CNTNAP2: variants seen among roughly 807,000 people sequenced by gnomAD.
CNTNAP2 encodes contactin associated protein 2, also known as contactin-associated protein-like 2.
Under a neutral mutation model 155.2 loss-of-function variants are expected in CNTNAP2, and 98 were observed. The ratio of observed to expected loss-of-function variants is 0.63; its 90% CI spans 0.54 to 0.75. CNTNAP2 has a LOEUF of 0.75. Among genes scored for constraint, CNTNAP2 ranks in the 30% least tolerant of loss-of-function variants. CNTNAP2 has a pLI of 0.00. For synonymous variants in CNTNAP2, 651 were observed against 631.2 expected (o/e 1.03, Z -0.47); for missense variants, 1,727 against 1,688.1 (o/e 1.02, Z -0.40).
At chr7:147,061,593 G>T (rs781112504) in intron 4 of CNTNAP2, among the ~76,000 whole-genome samples, 6 of 152,144 alleles carry the variant, frequency 3.9e-5, no homozygotes, top group Non-Finnish European at 8.8e-5. Context: ...TGTTCCCAGA[G>T]ACTAGTTGTG....
intron 10 of CNTNAP2, among the ~76,000 whole-genome samples, chr7:147,484,595 C>T (rs1414331536): frequency 6.6e-6 from 1 of 152,168 alleles, no homozygotes; most frequent in Non-Finnish European, 1.5e-5. Flanking sequence ...ATGTTTGTTT[C>T]AGGAGTAAAA....
chr7:148,068,343 A>T lies in CNTNAP2; in HGVS notation c.2384-49775A>T, dbSNP rs184450277. On this transcript the variant is annotated intron_variant, in intron 15 of 23. Transcript: ENST00000361727. ...GCTTCCCTGGGCACCAGGAATGCCT[A>T]CAGGGCTCTTTCTGCTGCTTCTTCT... Among the ~76,000 whole-genome samples, 366 of 152,284 alleles carry T rather than the reference A, an allele frequency of 2.4e-3. 1 individual carries two copies. The highest frequency in any genetic ancestry group is 4.7e-3 in the Non-Finnish European group (318 of 68,032).
intron 13 of CNTNAP2, among the ~76,000 whole-genome samples, chr7:147,767,190 A>C (rs149590579): frequency 6.6e-6 from 1 of 152,122 alleles, no homozygotes; most frequent in Non-Finnish European, 1.5e-5. Context: ...TGTAAAGTAC[A>C]ATATGTAAAC....
chr7:146,377,316 G>A (rs1263773694), intron 1 of CNTNAP2, among the ~76,000 whole-genome samples: 2 of 152,084 alleles, frequency 1.3e-5, no homozygotes, highest in African/African-American at 2.4e-5. Context: ...CATGCTTCTC[G>A]TTTTCTCCCA....
chr7:146,896,927 G>A (rs1386677697), intron 3 of CNTNAP2, among the ~76,000 whole-genome samples: 1 of 151,944 alleles, frequency 6.6e-6, no homozygotes, highest in Non-Finnish European at 1.5e-5. Flanking sequence ...GGGCTAAATT[G>A]CAATTAAGGA....
intron 21 of CNTNAP2, among the ~76,000 whole-genome samples, chr7:148,370,342 G>A (rs1247653787): frequency 2.0e-5 from 3 of 152,160 alleles, no homozygotes; most frequent in African/African-American, 7.2e-5. Flanking sequence ...CCGGTTCCTG[G>A]AGGCTGAGCC....
intron 1 of CNTNAP2, among the ~76,000 whole-genome samples, chr7:146,658,509 A>G (rs1483895640): frequency 6.6e-6 from 1 of 152,170 alleles, no homozygotes; most frequent in East Asian, 1.9e-4. Context: ...TTACTTCTGC[A>G]TGGACATTTT....
intron 21 of CNTNAP2, among the ~76,000 whole-genome samples, chr7:148,268,571 C>T (rs906567467): frequency 1.3e-5 from 2 of 151,954 alleles, no homozygotes; most frequent in Admixed American, 6.6e-5. Context: ...AGGAGAATGG[C>T]GTGAACCCGG....
chr7:146,556,085 C>A (rs1399960838), intron 1 of CNTNAP2, among the ~76,000 whole-genome samples: 12 of 152,146 alleles, frequency 7.9e-5, no homozygotes, highest in African/African-American at 2.9e-4. Flanking sequence ...TGGATTCCAA[C>A]AAATATTCTT....
intron 3 of CNTNAP2, 40 bp from the exon 4 acceptor site, chr7:147,043,867 G>A: frequency 6.8e-6 from 11 of 1,611,902 alleles, no homozygotes; most frequent in South Asian, 1.1e-5. Flanking sequence ...TGTTTCTAAA[G>A]TATTTTTCCC....
At position 148,306,621 on chromosome 7, in the gene CNTNAP2, T is replaced by G. The variant is rs528005519; in HGVS notation, c.3475+39495T>G. Among the ~76,000 whole-genome samples the G allele has an allele frequency of 7.9e-5, 12 of 152,322 alleles. No homozygotes were observed. The South Asian group carries it at 1.7e-3, about 21-fold the overall frequency. On this transcript the variant is annotated intron_variant, in intron 21 of 23. Transcript: ENST00000361727. ...AGAGCTCTATTTTTTGTTCTTTGAA[T>G]GTTCCTTTTTTTAAATCATCTGTTC...
intron 13 of CNTNAP2, among the ~76,000 whole-genome samples, chr7:147,764,629 A>T (rs1392706056): frequency 6.6e-6 from 1 of 152,220 alleles, no homozygotes; most frequent in African/African-American, 2.4e-5. Context: ...GTGAGTCAAT[A>T]TAATCTTGGT....
At chr7:147,752,013 T>C (rs530387334) in intron 13 of CNTNAP2, among the ~76,000 whole-genome samples, 1 of 152,306 alleles carries the variant, frequency 6.6e-6, no homozygotes, top group South Asian at 2.1e-4. Flanking sequence ...CAATATGTCA[T>C]CCACAGTTCC....
intron 11 of CNTNAP2, among the ~76,000 whole-genome samples, chr7:147,515,321 C>CTTTTTTTTTTTTTTTTT (rs763147267): frequency 1.6e-5 from 2 of 126,168 alleles, no homozygotes; most frequent in Non-Finnish European, 1.7e-5. Context: ...TCATTATATT[C>CTTTTTTTTTTTTTTTTT]TTTTTTTGTT....
At chr7:146,850,995 A>T (rs1242941312) in intron 3 of CNTNAP2, among the ~76,000 whole-genome samples, 3 of 151,758 alleles carry the variant, frequency 2.0e-5, no homozygotes, top group Non-Finnish European at 2.9e-5. Flanking sequence ...TTTTATTTTT[A>T]TTTTTTTGAA....
At chr7:147,028,633 C>A (rs561008980) in intron 3 of CNTNAP2, among the ~76,000 whole-genome samples, 1 of 152,236 alleles carries the variant, frequency 6.6e-6, no homozygotes, top group East Asian at 1.9e-4. Context: ...TGTGGCTAGA[C>A]CACACTTTAT....
chr7:148,014,951 T>A (rs1031353227), intron 15 of CNTNAP2, among the ~76,000 whole-genome samples: 1 of 152,208 alleles, frequency 6.6e-6, no homozygotes, highest in Non-Finnish European at 1.5e-5. Flanking sequence ...TTTATTTTTA[T>A]GTGAAGTTCT....
At chr7:146,282,692 A>G (rs1310921102) in intron 1 of CNTNAP2, among the ~76,000 whole-genome samples, 1 of 152,210 alleles carries the variant, frequency 6.6e-6, no homozygotes, top group Non-Finnish European at 1.5e-5. Flanking sequence ...ACCGTTCCCT[A>G]TCAGTTAAAG....
intron 13 of CNTNAP2, among the ~76,000 whole-genome samples, chr7:147,828,739 C>A (rs552978445): frequency 1.3e-5 from 2 of 152,002 alleles, no homozygotes; most frequent in South Asian, 4.1e-4. Context: ...CAGTCTAGTG[C>A]GTATTTTGTG....
Sources: allele counts gnomAD v4.1 joint callset (sites outside exome capture counted in the v4.1 genomes callset), GRCh38; gene constraint gnomAD v4.1.1; transcripts MANE v1.5; gene names NCBI Gene and HGNC (gene_info 2026-07-23, HGNC 2026-07-21).